FANCD2: variants seen among roughly 807,000 people sequenced by gnomAD.
The protein encoded by FANCD2 is FA complementation group D2.
In FANCD2, 131 loss-of-function variants were observed where a neutral mutation model predicts 192.3. That is an observed-to-expected ratio of 0.68 (90% CI 0.59 to 0.79). The LOEUF is 0.79. Among genes scored for constraint, FANCD2 ranks in the 30% least tolerant of loss-of-function variants. The pLI is 0.00. For synonymous variants in FANCD2, 524 were observed against 612.5 expected, an observed-to-expected ratio of 0.86 and a Z score of 2.13; for missense variants, 1,508 against 1,701.6, an observed-to-expected ratio of 0.89 and a Z score of 2.00.
At chr3:10,056,874 A>C (rs991929249) in intron 18 of FANCD2, among the ~76,000 whole-genome samples, 1 of 151,836 alleles carries the variant, frequency 6.6e-6, no homozygotes, top group Non-Finnish European at 1.5e-5. Context: ...TTTGTTTTTG[A>C]GATGGGGTCT....
chr3:10,079,091 A>G (rs1693686263), intron 30 of FANCD2, among the ~76,000 whole-genome samples: 1 of 151,964 alleles, frequency 6.6e-6, no homozygotes, highest in African/African-American at 2.4e-5. Flanking sequence ...AAATACAAAA[A>G]AAATTAGCCA....
rs56224827 is a variant in FANCD2, at chr3:10,081,035, C to T, written c.2977-65C>T. ...ACACAGGTTTGACTTGACTCCATTG[C>T]GAACCCTTAGTTTCTGAGACGCTAT... On this transcript the variant is annotated intron_variant, in intron 30 of 43. Transcript: ENST00000675286. The T allele has an allele frequency of 1.3e-3, 2,059 of 1,597,986 alleles. 24 individuals carry two copies. In the South Asian group the frequency reaches 0.018, roughly 14 times the overall value.
At chr3:10,040,002 A>G in intron 9 of FANCD2, 157 bp downstream of exon 9, 1 of 737,414 alleles carries the variant, frequency 1.4e-6, no homozygotes, top group South Asian at 1.9e-5. Flanking sequence ...TAAAAAAAAA[A>G]GGTATATATT....
rs755038050 is a variant in FANCD2 at position 10,074,485 on chromosome 3, A to G, written c.2716-45A>G. On this transcript the variant is annotated intron_variant, in intron 28 of 43. Coordinates refer to ENST00000675286, the MANE Select transcript of FANCD2 (RefSeq NM_001018115.3). ...AAGTTTTTATTAAAATTCGATTAAT[A>G]TAGAAGATTTATATATTCTCTTTGT... is the stretch of plus-strand genomic sequence containing the variant. The G allele has an allele frequency of 1.9e-6, 3 of 1,557,296 alleles. No individual in the cohort carries two copies. The Admixed American group carries it at 5.2e-5, about 27-fold the overall frequency.
chr3:10,036,262 T>C (rs2086729040), intron 6 of FANCD2, 25 bp from the exon 7 acceptor site: 1 of 1,591,158 alleles, frequency 6.3e-7, no homozygotes, highest in Non-Finnish European at 8.6e-7. Flanking sequence ...GATCATCTCC[T>C]AACTCCCTAT....
chr3:10,029,038 T>C (rs949262761), intron 2 of FANCD2, among the ~76,000 whole-genome samples: 4 of 152,230 alleles, frequency 2.6e-5, no homozygotes, highest in African/African-American at 9.6e-5. Flanking sequence ...TAAAAAACTT[T>C]ATGGTCTTTC....
At chr3:10,081,066 A>C (rs1049595764) in intron 30 of FANCD2, 34 bp from the exon 31 acceptor site, 5 of 1,613,632 alleles carry the variant, frequency 3.1e-6, no homozygotes, top group Non-Finnish European at 4.2e-6. Context: ...GCTATCCAGC[A>C]GTTTCTTCAC....
intron 2 of FANCD2, among the ~76,000 whole-genome samples, chr3:10,031,491 G>A (rs1204135740): frequency 8.0e-6 from 1 of 124,630 alleles, no homozygotes; most frequent in Admixed American, 8.4e-5. Flanking sequence ...GACAGAGCAA[G>A]ACTCCATTTC....
intron 7 of FANCD2, 75 bp downstream of exon 7, chr3:10,036,414 A>G: frequency 8.9e-7 from 1 of 1,128,506 alleles, no homozygotes; most frequent in South Asian, 1.3e-5. Flanking sequence ...TACTCTGAAA[A>G]CTATTGGTTT....
intron 32 of FANCD2, 127 bp from the exon 33 acceptor site, chr3:10,085,685 C>T (rs1173950322): frequency 1.2e-5 from 9 of 746,388 alleles, no homozygotes; most frequent in East Asian, 5.2e-5. Flanking sequence ...CCACCACGCC[C>T]GACCTCTCAA....
At chr3:10,087,494 C>T (rs1181063871) in intron 34 of FANCD2, among the ~76,000 whole-genome samples, 1 of 149,478 alleles carries the variant, frequency 6.7e-6, no homozygotes. Flanking sequence ...ATAGTTTTCT[C>T]TTTGGCTTAA....
intron 28 of FANCD2, 122 bp downstream of exon 28, chr3:10,073,484 C>G: frequency 2.4e-6 from 2 of 829,322 alleles, no homozygotes; most frequent in Non-Finnish European, 4.2e-6. Flanking sequence ...CCAAAACTCT[C>G]TTAGGCGTTG....
rs9869743 is a variant in FANCD2, at chr3:10,041,281, G to A, written c.696-342G>A. The stretch of plus-strand genomic sequence containing the variant: ...TGCTCCTGTAGCACCACCTACATGT[G>A]TCTCTCATACTTATCAGATTTCATT... On this transcript the variant is annotated intron_variant, in intron 9 of 43. Coordinates refer to ENST00000675286, the MANE Select transcript of FANCD2 (RefSeq NM_001018115.3). 4,715 of 289,354 alleles carry A rather than the reference G, an allele frequency of 0.016. 241 individuals carry two copies. Among genetic ancestry groups the A allele is most frequent in the African/African-American group, 0.1 (4,410 of 44,220 alleles). The allele number at this position is 289,354 out of a possible 1,614,324, so 17.9% of individuals were successfully genotyped here.
At chr3:10,099,103 C>T in intron 43 of FANCD2, 1 of 1,518,770 alleles carries the variant, frequency 6.6e-7, no homozygotes, top group Non-Finnish European at 8.8e-7. Flanking sequence ...ATATCTGAAA[C>T]CATTTTAGAA....
intron 21 of FANCD2, 61 bp downstream of exon 21, chr3:10,063,972 C>T (rs2087642666): frequency 6.2e-7 from 1 of 1,612,828 alleles, no homozygotes; most frequent in South Asian, 1.1e-5. Flanking sequence ...CTACACTCTT[C>T]AAGTCTTTCT....
At position 10,041,710 on chromosome 3, in the gene FANCD2, G is replaced by A; in HGVS notation, c.783G>A (p.Lys261=). 2 of 1,612,456 alleles carry A rather than the reference G, an allele frequency of 1.2e-6. No homozygotes were observed. Among genetic ancestry groups the A allele is most frequent in the Non-Finnish European group, 1.7e-6 (2 of 1,178,586 alleles). Residue 261 remains lysine, a splice_region_variant and synonymous_variant, in exon 10 of 44, where the codon AAG becomes AAA. Transcript: ENST00000675286. Reference sequence around the variant, plus strand: ...GACTTGACCCAAACTTCCTATTGAAGGTAGAAAAGACTCAGCTTTCCAGAA... The same window carrying A: ...GACTTGACCCAAACTTCCTATTGAAAGTAGAAAAGACTCAGCTTTCCAGAA... ...SLRLDPNFLL[K]VRQLVMDKLS...
chr3:10,060,626 T>G (rs935528310), intron 19 of FANCD2, among the ~76,000 whole-genome samples: 1 of 152,236 alleles, frequency 6.6e-6, no homozygotes, highest in Non-Finnish European at 1.5e-5. Flanking sequence ...GGTTAAAAAT[T>G]AAGGATTGGC....
At position 10,098,796 on chromosome 3, in the gene FANCD2, C is replaced by T. The variant is rs1695131544; in HGVS notation, c.4262C>T (p.Ser1421Phe). 6.2e-7 allele frequency: 1 copy of T among 1,614,060 alleles called. No homozygotes were observed. The highest frequency in any genetic ancestry group is 1.3e-5 in the African/African-American group (1 of 74,922). Residue 1421 changes from serine (S) to phenylalanine (F), a missense_variant, in exon 43 of 44, where the codon TCC becomes TTC. Physicochemically the swap from Ser to Phe is radical, Grantham distance 155 (BLOSUM62 -2). Transcript: ENST00000675286. ...ESEDDMSSQA[S>F]KSKATEDGEE... ...GAGGATGACATGTCATCCCAGGCCT[C>T]CAAGAGCAAAGCCACTGAGGTATCT... is the stretch of plus-strand genomic sequence containing the variant.
chr3:10,101,681 C>T lies in FANCD2; in HGVS notation c.*419C>T. 1 of 278,286 alleles carries T rather than the reference C, an allele frequency of 3.6e-6. No individual in the cohort carries two copies. The highest frequency in any genetic ancestry group is 6.9e-6 in the Non-Finnish European group (1 of 144,192). The allele number at this position is 278,286 out of a possible 1,614,324, so 17.2% of individuals were successfully genotyped here. A position where few individuals can be genotyped will look rare whatever the true frequency, so the allele number is the denominator to read the frequency against. ...TACAGGCATGAGCCACCGCTCCCAG[C>T]CATATTTTGTTCTTAAAGTGGGGTC... On this transcript the variant is annotated 3_prime_UTR_variant, in exon 44 of 44. Coordinates refer to ENST00000675286, the MANE Select transcript of FANCD2 (RefSeq NM_001018115.3).
Sources: gnomAD v4.1 joint callset for allele counts (sites outside exome capture counted in the v4.1 genomes callset) on GRCh38, gnomAD v4.1.1 for gene constraint, MANE v1.5 for transcripts, NCBI Gene and HGNC (gene_info 2026-07-23, HGNC 2026-07-21) for gene names.